The following FRMD4A variants were observed in gnomAD, a reference collection of about 807,000 sequenced individuals.
FRMD4A encodes the protein FERM domain-containing protein 4A.
A neutral mutation model predicts 129.1 loss-of-function variants in FRMD4A; 29 were observed. The ratio of observed to expected loss-of-function variants is 0.22; its 90% CI spans 0.17 to 0.31. The LOEUF is 0.31. FRMD4A is among the 10% of genes least tolerant of loss of function. The pLI is 1.00. For missense variants in FRMD4A, 1,272 were observed against 1,375.8 expected, an observed-to-expected ratio of 0.92 and a Z score of 1.19; for synonymous variants, 634 against 571.6, an observed-to-expected ratio of 1.11 and a Z score of -1.56.
chr10:13,982,638 C>T (rs1004919727), intron 2 of FRMD4A, among the ~76,000 whole-genome samples: 1 of 152,198 alleles, frequency 6.6e-6, no homozygotes, highest in African/African-American at 2.4e-5. Context: ...ACAGGCCTTA[C>T]TGGGTCTTCC....
At chr10:14,249,177 G>A (rs1040952640) in intron 2 of FRMD4A, among the ~76,000 whole-genome samples, 2 of 151,888 alleles carry the variant, frequency 1.3e-5, no homozygotes, top group African/African-American at 4.8e-5. Flanking sequence ...ATCGTGAAAT[G>A]TCATCTCTAC....
intron 2 of FRMD4A, among the ~76,000 whole-genome samples, chr10:13,880,857 T>G (rs1295891862): frequency 1.3e-5 from 2 of 152,112 alleles, no homozygotes; most frequent in Non-Finnish European, 2.9e-5. Context: ...TTCTTTGTAG[T>G]AATTACCAGC....
In FRMD4A at chr10:14,302,747, A is replaced by G. The variant is rs556820059; in HGVS notation, c.45+27311T>C. 3.3e-5 allele frequency among the ~76,000 whole-genome samples: 5 copies of G among 152,344 alleles called. No individual in the cohort carries two copies. In the South Asian group the frequency reaches 1.0e-3, roughly 32 times the overall value. ...TTAAATCCTAATTCCAAAAGTTAAT[A>G]CTAAGATATCTCATTAGATGGGCAG... On this transcript the variant is annotated intron_variant, in intron 2 of 24. Coordinates refer to ENST00000357447, the MANE Select transcript of FRMD4A (RefSeq NM_018027.5).
intron 2 of FRMD4A, among the ~76,000 whole-genome samples, chr10:14,004,878 AC>A (rs2095656244): frequency 6.6e-6 from 1 of 152,164 alleles, no homozygotes; most frequent in Non-Finnish European, 1.5e-5. Context: ...TTTCTGTAGC[AC>A]CTAAATTGTC....
chr10:13,750,405 AG>A (rs199799706), intron 8 of FRMD4A, among the ~76,000 whole-genome samples: 2,897 of 152,296 alleles, frequency 0.019, 98 homozygotes, highest in African/African-American at 0.066. Flanking sequence ...CTTAACCAGA[AG>A]GTGCCCACGA....
chr10:13,680,384 G>A (rs759841036), intron 15 of FRMD4A, among the ~76,000 whole-genome samples: 5 of 151,964 alleles, frequency 3.3e-5, no homozygotes, highest in Non-Finnish European at 7.4e-5. Flanking sequence ...ACACATATAT[G>A]CTTTTGCAAG....
intron 2 of FRMD4A, among the ~76,000 whole-genome samples, chr10:13,994,362 A>G (rs1443873439): frequency 1.3e-5 from 2 of 151,958 alleles, no homozygotes; most frequent in Non-Finnish European, 2.9e-5. Flanking sequence ...GTATTTTAGT[A>G]GAGATGGGGT....
Position 13,646,171 on chromosome 10 carries a change from GAGAAGTGGGCCAGTAA to G in FRMD4A, c.*851_*866del, listed in dbSNP as rs1209311198. 6.6e-6 allele frequency: 1 copy of G among 152,644 alleles called. No homozygotes were observed. The highest frequency in any genetic ancestry group is 2.4e-5 in the African/African-American group (1 of 41,448). The allele number at this position is 152,644 out of a possible 1,614,324, so 9.5% of individuals were successfully genotyped here. A position where few individuals can be genotyped will look rare whatever the true frequency, so the allele number is the denominator to read the frequency against. Reference sequence around the variant, plus strand: ...CAGTTTTTCAGGCTCTCTACGGAGAGAGAAGTGGGCCAGTAAGGGAGAGGGCTAGAGAGAGGACACC... The same window carrying G: ...CAGTTTTTCAGGCTCTCTACGGAGAGGGGAGAGGGCTAGAGAGAGGACACC... On this transcript the variant is annotated 3_prime_UTR_variant, in exon 25 of 25. Coordinates refer to ENST00000357447, the MANE Select transcript of FRMD4A (RefSeq NM_018027.5).
At chr10:13,715,911 A>G (rs1041923995) in intron 12 of FRMD4A, among the ~76,000 whole-genome samples, 1 of 151,194 alleles carries the variant, frequency 6.6e-6, no homozygotes, top group African/African-American at 2.4e-5. Context: ...CCCTCAAAAA[A>G]AAAAAAAAAA....
intron 5 of FRMD4A, among the ~76,000 whole-genome samples, chr10:13,785,578 TTTC>T (rs1452521288): frequency 7.9e-5 from 12 of 152,162 alleles, no homozygotes; most frequent in Non-Finnish European, 1.5e-4. Flanking sequence ...ATGATTTGAT[TTTC>T]TTTTTTAAAT....
At chr10:13,890,567 TGACCAGCTCA>T in intron 2 of FRMD4A, 1 of 984,270 alleles carries the variant, frequency 1.0e-6, no homozygotes, top group Non-Finnish European at 1.2e-6. Context: ...CTGTCACCAC[TGACCAGCTCA>T]GACTTAGAAA....
chr10:14,254,614 C>A (rs1287183912), intron 2 of FRMD4A, among the ~76,000 whole-genome samples: 1 of 151,576 alleles, frequency 6.6e-6, no homozygotes, highest in African/African-American at 2.4e-5. Context: ...AACTTCTTAA[C>A]CTCAAATATT....
intron 12 of FRMD4A, among the ~76,000 whole-genome samples, chr10:13,737,380 G>A (rs532542828): frequency 2.7e-4 from 41 of 152,270 alleles, no homozygotes; most frequent in Non-Finnish European, 4.4e-4. Context: ...GTGAGCCAGC[G>A]TGCCCAGCCT....
At chr10:13,675,957 CCCT>C (rs1213493274) in intron 15 of FRMD4A, 4 of 151,964 alleles carry the variant, frequency 2.6e-5, no homozygotes, top group African/African-American at 9.7e-5. Flanking sequence ...TGAGCAAATT[CCCT>C]CCTAATAAAA....
At chr10:14,309,518 G>T (rs981638087) in intron 2 of FRMD4A, among the ~76,000 whole-genome samples, 6 of 152,108 alleles carry the variant, frequency 3.9e-5, no homozygotes, top group African/African-American at 1.2e-4. Flanking sequence ...AAGACTCAGA[G>T]AATTAGAACT....
At chr10:13,861,910 T>A (rs1564929304) in intron 2 of FRMD4A, among the ~76,000 whole-genome samples, 2 of 152,154 alleles carry the variant, frequency 1.3e-5, no homozygotes, top group Non-Finnish European at 2.9e-5. Context: ...GATTCCTTCA[T>A]CAAAAAAGTA....
chr10:13,702,704 C>A (rs1448640236), intron 13 of FRMD4A, among the ~76,000 whole-genome samples: 1 of 151,972 alleles, frequency 6.6e-6, no homozygotes, highest in Non-Finnish European at 1.5e-5. Context: ...TCAGGACTTA[C>A]AAACAATAAC....
chr10:13,698,357 GA>G (rs1053200789), intron 14 of FRMD4A, among the ~76,000 whole-genome samples: 3 of 152,138 alleles, frequency 2.0e-5, no homozygotes, highest in African/African-American at 7.2e-5. Flanking sequence ...CAGTGGCCAG[GA>G]TACCAGCCAG....
At chr10:13,996,517 T>C (rs4748075) in intron 2 of FRMD4A, among the ~76,000 whole-genome samples, 43,464 of 152,184 alleles carry the variant, frequency 0.29, 7,380 homozygotes, top group East Asian at 0.73. Flanking sequence ...GTACCACTTG[T>C]CTGCTTCTTA....
Sources: gnomAD v4.1 joint callset for allele counts (sites outside exome capture counted in the v4.1 genomes callset) on GRCh38, gnomAD v4.1.1 for gene constraint, MANE v1.5 for transcripts, NCBI Gene and HGNC (gene_info 2026-07-23, HGNC 2026-07-21) for gene names.